Variants in ASB4 observed in about 807,000 individuals in gnomAD.
ASB4 encodes the protein ankyrin repeat and SOCS box containing 4.
ASB4 carries 35 observed loss-of-function variants against 38.6 expected under a neutral mutation model. The observed-to-expected ratio is 0.91, with a 90% CI of 0.69 to 1.20. The LOEUF is 1.20. Ranked by LOEUF, ASB4 falls within the 50% of genes most tolerant of loss-of-function variation. The pLI, the probability that ASB4 is intolerant of heterozygous loss-of-function variation, is 0.00. For missense variants in ASB4, 557 were observed against 527.2 expected (o/e 1.06, Z -0.55); for synonymous variants, 195 against 201.3 (o/e 0.97, Z 0.26).
chr7:95,496,318 C>T (rs937364006), intron 2 of ASB4: 1 of 368,684 alleles, frequency 2.7e-6, no homozygotes, highest in South Asian at 7.2e-5. Flanking sequence ...TATTATGCAT[C>T]AGGTAATGCA....
chr7:95,497,012 A>G (rs1790260454), intron 2 of ASB4, among the ~76,000 whole-genome samples: 1 of 152,144 alleles, frequency 6.6e-6, no homozygotes, highest in African/African-American at 2.4e-5. Flanking sequence ...GAAGAGGGCT[A>G]CTATGACCAG....
chr7:95,547,207 T>C, the ASB4 span, among the ~76,000 whole-genome samples: 1 of 152,224 alleles, frequency 6.6e-6, no homozygotes, highest in African/African-American at 2.4e-5. Context: ...ATTACAAGTG[T>C]ATATACCCTT....
chr7:95,476,050 C>G (rs1190418019), upstream of ASB4, among the ~76,000 whole-genome samples: 1 of 152,160 alleles, frequency 6.6e-6, no homozygotes, highest in Non-Finnish European at 1.5e-5. Flanking sequence ...GTGATCTTTC[C>G]TTTTTATAAT....
intron 2 of ASB4, among the ~76,000 whole-genome samples, chr7:95,498,104 G>T (rs868647101): frequency 1.4e-4 from 21 of 152,202 alleles, no homozygotes; most frequent in African/African-American, 4.6e-4. Flanking sequence ...TTCCAAAGTA[G>T]TTCTGTCATT....
chr7:95,520,372 G>T (rs1286962635), intron 2 of ASB4, among the ~76,000 whole-genome samples: 1 of 152,142 alleles, frequency 6.6e-6, no homozygotes. Context: ...ACAAACTCAG[G>T]TTTATTGGAA....
intron 3 of ASB4, among the ~76,000 whole-genome samples, chr7:95,529,284 C>T (rs960412522): frequency 2.2e-4 from 34 of 152,176 alleles, no homozygotes; most frequent in African/African-American, 8.2e-4. Context: ...ACTTAGGTTT[C>T]CCCCTTGCTC....
Position 95,528,230 on chromosome 7 carries a change from C to T in ASB4, c.905C>T (p.Ala302Val), listed in dbSNP as rs1790771656. Residue 302 changes from alanine to valine, a missense_variant, in exon 3 of 5, where the codon GCC (alanine) becomes GTC (valine). Physicochemically the swap from Ala to Val is moderately conservative, Grantham distance 64 (BLOSUM62 0). Transcript: ENST00000325885. ...AAGGTCACCTCCGTGCGCCCTGCTGCCCAGCCTGAGATCTGCTACCAGCTC... is the reference window on the plus strand; with the variant it reads ...AAGGTCACCTCCGTGCGCCCTGCTGTCCAGCCTGAGATCTGCTACCAGCTC... ...VLKVTSVRPA[A>V]QPEICYQLLL... The T allele has an allele frequency of 1.9e-6, 3 of 1,614,208 alleles. No homozygotes were observed. The highest frequency in any genetic ancestry group is 3.3e-5 in the Admixed American group (2 of 60,030).
intron 2 of ASB4, among the ~76,000 whole-genome samples, chr7:95,502,391 C>CTT: frequency 1.5e-5 from 1 of 66,648 alleles, no homozygotes; most frequent in East Asian, 4.6e-4. Context: ...TACCAGCCTG[C>CTT]GGGGGGGGGG....
intron 1 of ASB4, among the ~76,000 whole-genome samples, chr7:95,492,591 T>C (rs1304664067): frequency 6.6e-6 from 1 of 152,204 alleles, no homozygotes; most frequent in Non-Finnish European, 1.5e-5. Flanking sequence ...AGCGCTAACA[T>C]TCTGTGTTTC....
At chr7:95,523,573 CTT>C (rs2116638006) in intron 2 of ASB4, among the ~76,000 whole-genome samples, 1 of 152,136 alleles carries the variant, frequency 6.6e-6, no homozygotes, top group African/African-American at 2.4e-5. Context: ...GGTAATTAGT[CTT>C]ATGCATCACA....
At chr7:95,543,092 C>T (rs546836846), downstream of ASB4, 7 of 152,292 alleles carry the variant, frequency 4.6e-5, no homozygotes, top group South Asian at 1.5e-3. Context: ...TTGTCCTGTT[C>T]CAGATGTGGT....
rs1302290471 is a variant in ASB4, at chr7:95,495,944, T to A, written c.374T>A (p.Ile125Asn). The A allele has an allele frequency of 1.9e-6, 3 of 1,614,128 alleles. No individual in the cohort carries two copies. Among genetic ancestry groups the A allele is most frequent in the Non-Finnish European group, 2.5e-6 (3 of 1,180,006 alleles). The change falls in exon 2 of 5, where the codon ATC (isoleucine) becomes AAC (asparagine). Residue 125 changes from isoleucine to asparagine, a missense_variant. Ile to Asn is a moderately radical substitution (Grantham distance 149). Coordinates refer to ENST00000325885, the MANE Select transcript of ASB4 (RefSeq NM_016116.3). ...CEMANVDCVKILCDRGAKLNC... is the reference protein window; with the variant it reads ...CEMANVDCVKNLCDRGAKLNC... ...ATGGCCAATGTGGATTGTGTTAAGA[T>A]CCTCTGTGATCGTGGGGCAAAGCTC...
At chr7:95,525,473 CG>C (rs1790724188) in intron 2 of ASB4, among the ~76,000 whole-genome samples, 4 of 151,186 alleles carry the variant, frequency 2.6e-5, no homozygotes, top group Non-Finnish European at 5.9e-5. Flanking sequence ...GTTACACTGG[CG>C]ACACAATTCA....
At chr7:95,513,747 T>C (rs557821495) in intron 2 of ASB4, among the ~76,000 whole-genome samples, 2 of 152,262 alleles carry the variant, frequency 1.3e-5, no homozygotes, top group South Asian at 4.2e-4. Flanking sequence ...TCAATTTGTG[T>C]TGTTTTCAGC....
At chr7:95,489,729 TA>T (rs1478459877) in intron 1 of ASB4, among the ~76,000 whole-genome samples, 1 of 152,216 alleles carries the variant, frequency 6.6e-6, no homozygotes, top group African/African-American at 2.4e-5. Flanking sequence ...AATGACTTTC[TA>T]ACTGCCAAAT....
chr7:95,520,378 T>G (rs1005493928), intron 2 of ASB4, among the ~76,000 whole-genome samples: 3 of 152,216 alleles, frequency 2.0e-5, no homozygotes, highest in Admixed American at 2.0e-4. Flanking sequence ...TCAGGTTTAT[T>G]GGAAAGTATA....
chr7:95,472,031 T>C, the ASB4 span: 14 of 151,862 alleles, frequency 9.2e-5, 1 homozygote, highest in African/African-American at 2.7e-4. Flanking sequence ...AGAGGAGGAG[T>C]GTGAGTGTCC....
At chr7:95,479,192 G>A (rs771795818) in intron 1 of ASB4, among the ~76,000 whole-genome samples, 14 of 152,176 alleles carry the variant, frequency 9.2e-5, no homozygotes, top group Non-Finnish European at 1.5e-4. Context: ...GAAACACACA[G>A]CTTATGACCA....
intron 2 of ASB4, among the ~76,000 whole-genome samples, chr7:95,505,675 C>T (rs1043756540): frequency 2.8e-5 from 4 of 144,440 alleles, no homozygotes; most frequent in Non-Finnish European, 6.1e-5. Flanking sequence ...GCTCCTTTTC[C>T]TCTATCCGTG....
Sources: allele counts gnomAD v4.1 joint callset (sites outside exome capture counted in the v4.1 genomes callset), GRCh38; gene constraint gnomAD v4.1.1; transcripts MANE v1.5; gene names NCBI Gene and HGNC (gene_info 2026-07-23, HGNC 2026-07-21).